PACS1: variants seen among roughly 807,000 people sequenced by gnomAD.
The protein encoded by PACS1 is phosphofurin acidic cluster sorting protein 1.
Under a neutral mutation model 115.0 loss-of-function variants are expected in PACS1, and 24 were observed. That is an observed-to-expected ratio of 0.21 (90% CI 0.15 to 0.29). The LOEUF (loss-of-function observed/expected upper bound fraction) is 0.29, where lower values mean the gene tolerates loss of function less well. Ranked by LOEUF, PACS1 falls within the 10% of genes least tolerant of loss-of-function variation. The pLI is 1.00. For missense variants in PACS1, 838 were observed against 1,251.2 expected, an observed-to-expected ratio of 0.67 and a Z score of 4.98; for synonymous variants, 453 against 504.5, an observed-to-expected ratio of 0.90 and a Z score of 1.37.
chr11:66,172,332 T>C (rs917641765), intron 1 of PACS1, among the ~76,000 whole-genome samples: 3 of 152,312 alleles, frequency 2.0e-5, no homozygotes, highest in East Asian at 1.9e-4. Context: ...TGTGTAAGCA[T>C]TGGAACGTTG....
At chr11:66,192,777 G>A (rs189241923) in intron 1 of PACS1, among the ~76,000 whole-genome samples, 18 of 152,328 alleles carry the variant, frequency 1.2e-4, no homozygotes, top group African/African-American at 3.1e-4. Flanking sequence ...TGGCCCTGCT[G>A]TGGTAAGGCC....
At chr11:66,073,674 A>C (rs1857349496) in intron 1 of PACS1, among the ~76,000 whole-genome samples, 1 of 152,136 alleles carries the variant, frequency 6.6e-6, no homozygotes, top group African/African-American at 2.4e-5. Context: ...CTTTTGAAAA[A>C]CTTTATATAG....
chr11:66,193,265 G>A (rs929706566), intron 1 of PACS1, among the ~76,000 whole-genome samples: 2 of 152,164 alleles, frequency 1.3e-5, no homozygotes, highest in African/African-American at 4.8e-5. Context: ...GGATCCTTGG[G>A]CCCAGGGCTC....
chr11:66,185,284 A>G (rs994752228), intron 1 of PACS1, among the ~76,000 whole-genome samples: 4 of 152,182 alleles, frequency 2.6e-5, no homozygotes, highest in Non-Finnish European at 5.9e-5. Context: ...CAGAATGCCT[A>G]TGTAGAGAGG....
intron 1 of PACS1, among the ~76,000 whole-genome samples, chr11:66,152,427 G>C (rs968187086): frequency 6.6e-6 from 1 of 152,060 alleles, no homozygotes; most frequent in Admixed American, 6.5e-5. Flanking sequence ...TGGAGTCTTA[G>C]AAAGGGAAGA....
intron 2 of PACS1, among the ~76,000 whole-genome samples, chr11:66,197,125 A>G (rs1854668672): frequency 6.6e-6 from 1 of 152,230 alleles, no homozygotes; most frequent in African/African-American, 2.4e-5. Context: ...AAAGAACAAA[A>G]TAGACCAGTG....
intron 1 of PACS1, among the ~76,000 whole-genome samples, chr11:66,171,859 T>G (rs149838409): frequency 0.025 from 3,705 of 149,032 alleles, 205 homozygotes; most frequent in African/African-American, 0.09. Flanking sequence ...GATTACAGGC[T>G]TGAGCCACCG....
Position 66,236,084 on chromosome 11 carries a change from T to C in PACS1, c.2250+144T>C. 5.1e-6 allele frequency: 4 copies of C among 787,030 alleles called. No homozygotes were observed. The highest frequency in any genetic ancestry group is 9.0e-6 in the Non-Finnish European group (4 of 442,072). 48.8% of individuals were successfully genotyped at this position (787,030 alleles called of 1,614,324 possible). On this transcript the variant is annotated intron_variant, in intron 19 of 23. Transcript: ENST00000320580. The surrounding 1 kb of genome is among the most constrained non-coding windows in gnomAD (Gnocchi z 4.2). Reference sequence around the variant, plus strand: ...TGCCTCCAGGGACTACCTGGCAGTGTCTGGAGACGTGTTTGGTTGTTATAC... The same window carrying C: ...TGCCTCCAGGGACTACCTGGCAGTGCCTGGAGACGTGTTTGGTTGTTATAC...
intron 1 of PACS1, among the ~76,000 whole-genome samples, chr11:66,129,433 A>G (rs571636654): frequency 2.1e-5 from 3 of 144,358 alleles, no homozygotes; most frequent in Non-Finnish European, 3.0e-5. Context: ...CTCCATATCA[A>G]AAAAAAAAAA....
At chr11:66,161,362 A>T (rs1158071360) in intron 1 of PACS1, among the ~76,000 whole-genome samples, 1 of 152,144 alleles carries the variant, frequency 6.6e-6, no homozygotes, top group Non-Finnish European at 1.5e-5. Context: ...TGAGGGAGTT[A>T]GGATCATAAG....
intron 1 of PACS1, among the ~76,000 whole-genome samples, chr11:66,136,322 GTCAC>G (rs1449404327): frequency 3.3e-5 from 2 of 60,312 alleles, no homozygotes; most frequent in African/African-American, 6.8e-5. Context: ...CAATCCCACT[GTCAC>G]ACACACACAC....
chr11:66,087,624 GT>G (rs1380094101), intron 1 of PACS1, among the ~76,000 whole-genome samples: 1 of 152,168 alleles, frequency 6.6e-6, no homozygotes, highest in Non-Finnish European at 1.5e-5. Context: ...ATGTAATCTT[GT>G]TGCTATGTAG....
intron 1 of PACS1, among the ~76,000 whole-genome samples, chr11:66,129,836 G>A (rs545450217): frequency 3.0e-4 from 45 of 152,268 alleles, no homozygotes; most frequent in African/African-American, 1.0e-3. Flanking sequence ...GTTTGTCCAT[G>A]TGTCTGCCAT....
At chr11:66,088,767 G>C (rs1213436677) in intron 1 of PACS1, among the ~76,000 whole-genome samples, 1 of 152,102 alleles carries the variant, frequency 6.6e-6, no homozygotes, top group Non-Finnish European at 1.5e-5. Context: ...CAGCTTTTCA[G>C]TTTCCTTAAA....
intron 1 of PACS1, among the ~76,000 whole-genome samples, chr11:66,128,287 T>A (rs1262511150): frequency 6.6e-6 from 1 of 152,226 alleles, no homozygotes; most frequent in Admixed American, 6.5e-5. Flanking sequence ...TATCTTATAT[T>A]GAATATTGAC....
chr11:66,177,411 G>A (rs573321352), intron 1 of PACS1, among the ~76,000 whole-genome samples: 4 of 152,124 alleles, frequency 2.6e-5, no homozygotes, highest in African/African-American at 7.2e-5. Flanking sequence ...AGCTGGTCTC[G>A]AACTCCTGAC....
chr11:66,216,092 G>T lies in PACS1; in HGVS notation c.661-27G>T, dbSNP rs187579854. The T allele has an allele frequency of 4.0e-5, 64 of 1,612,564 alleles. 1 individual carries two copies. In the East Asian group the frequency reaches 7.6e-4, roughly 19 times the overall value. ...TCTCCAGGTGCCTCTGTAGTAACAC[G>T]CCTCCACCACCTCCCCTGGCTCCTA... On this transcript the variant is annotated intron_variant, in intron 4 of 23. Coordinates refer to ENST00000320580, the MANE Select transcript of PACS1 (RefSeq NM_018026.4).
chr11:66,230,338 A>G (rs1855562859), intron 11 of PACS1: 3 of 572,394 alleles, frequency 5.2e-6, no homozygotes, highest in East Asian at 2.9e-5. Context: ...ATTGCAGCAT[A>G]TGGTGCCCAC....
chr11:66,210,656 G>T (rs964217893), intron 3 of PACS1, among the ~76,000 whole-genome samples: 7 of 152,170 alleles, frequency 4.6e-5, no homozygotes, highest in Non-Finnish European at 1.0e-4. Flanking sequence ...GGAGACCTGG[G>T]TAGGCACCGT....
Sources: allele counts gnomAD v4.1 joint callset (sites outside exome capture counted in the v4.1 genomes callset), GRCh38; gene constraint gnomAD v4.1.1; non-coding constraint Gnocchi (gnomAD v3.1); transcripts MANE v1.5; gene names NCBI Gene and HGNC (gene_info 2026-07-23, HGNC 2026-07-21).